Variants in TSHZ2 observed in about 807,000 individuals in gnomAD.
TSHZ2 encodes the protein teashirt homolog 2.
A neutral mutation model predicts 74.4 loss-of-function variants in TSHZ2; 21 were observed. The observed-to-expected ratio is 0.28, with a 90% CI of 0.20 to 0.41. The LOEUF is 0.41. Ranked by LOEUF, TSHZ2 falls within the 10% of genes least tolerant of loss-of-function variation. The pLI, the probability that TSHZ2 is intolerant of heterozygous loss-of-function variation, is 1.00. For missense variants in TSHZ2, 1,244 were observed against 1,293.5 expected (o/e 0.96, Z 0.59); for synonymous variants, 540 against 515.3 (o/e 1.05, Z -0.65).
At chr20:52,974,405 G>C (rs764856279) in intron 1 of TSHZ2, among the ~76,000 whole-genome samples, 1 of 152,192 alleles carries the variant, frequency 6.6e-6, no homozygotes, top group Non-Finnish European at 1.5e-5. Flanking sequence ...TTCAGAGCCA[G>C]ACATGCACAA....
At chr20:53,048,312 GAGA>G (rs748032015) in intron 1 of TSHZ2, among the ~76,000 whole-genome samples, 2 of 150,062 alleles carry the variant, frequency 1.3e-5, no homozygotes, top group Non-Finnish European at 3.0e-5. Flanking sequence ...AAGGGGAGGA[GAGA>G]GAGAGAGAGA....
At chr20:53,339,230 C>G (rs1980079509) in intron 2 of TSHZ2, among the ~76,000 whole-genome samples, 2 of 152,296 alleles carry the variant, frequency 1.3e-5, no homozygotes, top group African/African-American at 4.8e-5. Flanking sequence ...TTAGTCAACT[C>G]AGGACTCCTT....
intron 1 of TSHZ2, among the ~76,000 whole-genome samples, chr20:53,200,384 C>A (rs1050265351): frequency 6.6e-6 from 1 of 152,116 alleles, no homozygotes; most frequent in Non-Finnish European, 1.5e-5. Flanking sequence ...TAAGGCTGAG[C>A]ACAGTGAACG....
At chr20:53,047,599 G>A (rs1489689297) in intron 1 of TSHZ2, among the ~76,000 whole-genome samples, 1 of 151,912 alleles carries the variant, frequency 6.6e-6, no homozygotes, top group Non-Finnish European at 1.5e-5. Context: ...TATTCTGAGT[G>A]GTCAAATACC....
chr20:53,407,154 T>A (rs1202682348), intron 2 of TSHZ2, among the ~76,000 whole-genome samples: 1 of 152,246 alleles, frequency 6.6e-6, no homozygotes, highest in African/African-American at 2.4e-5. Context: ...CCCCGCTGCA[T>A]GTGACCTCCA....
chr20:53,143,184 C>T (rs140098532), intron 1 of TSHZ2, among the ~76,000 whole-genome samples: 1 of 152,294 alleles, frequency 6.6e-6, no homozygotes, highest in Non-Finnish European at 1.5e-5. Flanking sequence ...GCACAAGAAA[C>T]ATTTACTCAC....
At chr20:53,054,583 C>T (rs1391249622) in intron 1 of TSHZ2, among the ~76,000 whole-genome samples, 2 of 152,162 alleles carry the variant, frequency 1.3e-5, no homozygotes, top group African/African-American at 4.8e-5. Flanking sequence ...CCACAGAGTC[C>T]AGGCAAGTAG....
At chr20:52,981,226 C>A (rs975814280) in intron 1 of TSHZ2, among the ~76,000 whole-genome samples, 1 of 152,186 alleles carries the variant, frequency 6.6e-6, no homozygotes, top group Non-Finnish European at 1.5e-5. Flanking sequence ...CCTTGCCCCA[C>A]GCTAGTTATT....
rs143394934 is a variant in TSHZ2, at chr20:53,010,267, C to G, written c.40+36934C>G. Among the ~76,000 whole-genome samples, 575 of 152,232 alleles carry G rather than the reference C, an allele frequency of 3.8e-3. 6 individuals carry two copies. Among genetic ancestry groups the G allele is most frequent in the African/African-American group, 0.013 (544 of 41,540 alleles). ...GAGAACATCCCTCTATTCCACCCAC[C>G]ACATTGCATCACATGGCAGAATGAG... On this transcript the variant is annotated intron_variant, in intron 1 of 2. Coordinates refer to ENST00000371497, the MANE Select transcript of TSHZ2 (RefSeq NM_173485.6).
intron 1 of TSHZ2, among the ~76,000 whole-genome samples, chr20:53,048,792 G>C (rs920274703): frequency 1.3e-5 from 2 of 152,128 alleles, no homozygotes; most frequent in African/African-American, 2.4e-5. Context: ...GTGAGTGGGG[G>C]GTTCTAATAG....
intron 2 of TSHZ2, among the ~76,000 whole-genome samples, chr20:53,306,429 G>A (rs1041497348): frequency 6.6e-6 from 1 of 152,136 alleles, no homozygotes; most frequent in Non-Finnish European, 1.5e-5. Context: ...CAGTGCTGGA[G>A]GTGGTGTTTG....
chr20:53,472,002 T>C (rs1985821169), intron 2 of TSHZ2, among the ~76,000 whole-genome samples: 1 of 151,920 alleles, frequency 6.6e-6, no homozygotes, highest in African/African-American at 2.4e-5. Context: ...ACAGGGTTTC[T>C]TCATGTTGGT....
intron 2 of TSHZ2, among the ~76,000 whole-genome samples, chr20:53,413,888 TCCC>T (rs559486237): frequency 4.7e-4 from 72 of 152,306 alleles, no homozygotes; most frequent in African/African-American, 1.7e-3. Context: ...TAGCCAGTAA[TCCC>T]AGTACTTTGG....
intron 1 of TSHZ2, among the ~76,000 whole-genome samples, chr20:53,106,917 T>A (rs1986393449): frequency 6.7e-6 from 1 of 150,354 alleles, no homozygotes; most frequent in Admixed American, 6.6e-5. Context: ...GGGGTGATCT[T>A]GAACTCCTGA....
chr20:53,005,878 T>C (rs1453546503), intron 1 of TSHZ2, among the ~76,000 whole-genome samples: 1 of 152,032 alleles, frequency 6.6e-6, no homozygotes, highest in African/African-American at 2.4e-5. Context: ...GTTAATAGCA[T>C]TTCACCTGCC....
intron 1 of TSHZ2, among the ~76,000 whole-genome samples, chr20:53,035,245 T>C (rs1274764185): frequency 6.6e-6 from 1 of 152,190 alleles, no homozygotes; most frequent in Non-Finnish European, 1.5e-5. Flanking sequence ...TTGATCTCCA[T>C]AGCAATGAGT....
chr20:53,438,821 G>C (rs982579317), intron 2 of TSHZ2, among the ~76,000 whole-genome samples: 1 of 152,156 alleles, frequency 6.6e-6, no homozygotes, highest in South Asian at 2.1e-4. Context: ...TTAGCCAGAC[G>C]TGGTGGCACA....
chr20:53,294,878 C>T (rs1023408955), intron 2 of TSHZ2, among the ~76,000 whole-genome samples: 1 of 152,178 alleles, frequency 6.6e-6, no homozygotes, highest in Non-Finnish European at 1.5e-5. Flanking sequence ...AAGGTGAAGG[C>T]AGCATAAAGC....
At chr20:53,112,986 A>C (rs972937069) in intron 1 of TSHZ2, among the ~76,000 whole-genome samples, 1 of 152,220 alleles carries the variant, frequency 6.6e-6, no homozygotes, top group African/African-American at 2.4e-5. Flanking sequence ...GGAAGGCACA[A>C]GTTAACTTGG....
Sources: allele counts gnomAD v4.1 joint callset (sites outside exome capture counted in the v4.1 genomes callset), GRCh38; gene constraint gnomAD v4.1.1; transcripts MANE v1.5; gene names NCBI Gene and HGNC (gene_info 2026-07-23, HGNC 2026-07-21).